AGPS: variants seen among roughly 807,000 people sequenced by gnomAD.
AGPS encodes alkyldihydroxyacetonephosphate synthase, peroxisomal.
AGPS carries 26 observed loss-of-function variants against 90.7 expected under a neutral mutation model. The ratio of observed to expected loss-of-function variants is 0.29; its 90% CI spans 0.21 to 0.40. AGPS has a LOEUF of 0.40. Ranked by LOEUF, AGPS falls within the 10% of genes least tolerant of loss-of-function variation. AGPS has a pLI of 1.00. For synonymous variants in AGPS, 294 were observed against 285.3 expected (o/e 1.03, Z -0.31); for missense variants, 540 against 816.1 (o/e 0.66, Z 4.12).
chr2:177,435,111 A>G (rs1005009824), intron 3 of AGPS, among the ~76,000 whole-genome samples: 38 of 142,574 alleles, frequency 2.7e-4, no homozygotes, highest in African/African-American at 9.6e-4. Context: ...ATTATTTTTG[A>G]TGTGTTTTTA....
chr2:177,529,002 C>G (rs1166434875), intron 19 of AGPS, among the ~76,000 whole-genome samples: 1 of 151,554 alleles, frequency 6.6e-6, no homozygotes, highest in Non-Finnish European at 1.5e-5. Flanking sequence ...ATTACAGGCT[C>G]CCGCCACCAC....
At chr2:177,441,071 A>T in intron 6 of AGPS, 35 bp downstream of exon 6, 2 of 1,474,794 alleles carry the variant, frequency 1.4e-6, no homozygotes, top group Non-Finnish European at 1.9e-6. Flanking sequence ...TAATATGTAA[A>T]TTTGTTCTAT....
intron 1 of AGPS, among the ~76,000 whole-genome samples, chr2:177,397,929 G>A (rs1291695362): frequency 6.6e-6 from 1 of 152,208 alleles, no homozygotes; most frequent in African/African-American, 2.4e-5. Context: ...TACTGGGGAG[G>A]CTGAGGCGGG....
intron 1 of AGPS, among the ~76,000 whole-genome samples, chr2:177,408,108 C>T (rs1275709937): frequency 6.6e-6 from 1 of 152,148 alleles, no homozygotes; most frequent in African/African-American, 2.4e-5. Flanking sequence ...GTAAATGTCA[C>T]CTTATGCATT....
At position 177,487,316 on chromosome 2, in the gene AGPS, C is replaced by A. The variant is rs554954965; in HGVS notation, c.1233+5130C>A. 6.0e-4 allele frequency among the ~76,000 whole-genome samples: 91 copies of A among 152,240 alleles called. No homozygotes were observed. The Middle Eastern group carries it at 0.01, about 17-fold the overall frequency. On this transcript the variant is annotated intron_variant, in intron 11 of 19. Coordinates refer to ENST00000264167, the MANE Select transcript of AGPS (RefSeq NM_003659.4). ...ATTAGTACTCATTCCTCTCAAAACT[C>A]TTCTCAGTAAAACCTAGTTTCTTCG...
At chr2:177,530,038 T>G (rs1355177998) in intron 19 of AGPS, among the ~76,000 whole-genome samples, 1 of 152,232 alleles carries the variant, frequency 6.6e-6, no homozygotes, top group East Asian at 1.9e-4. Context: ...TTGTTTTTAA[T>G]AATAGCAATA....
intron 5 of AGPS, among the ~76,000 whole-genome samples, chr2:177,438,702 C>G (rs977404955): frequency 7.2e-5 from 11 of 152,146 alleles, no homozygotes; most frequent in African/African-American, 2.7e-4. Context: ...ATCCTTTTGC[C>G]AACTTCTTCC....
At chr2:177,398,768 G>A (rs184240108) in intron 1 of AGPS, among the ~76,000 whole-genome samples, 1 of 152,242 alleles carries the variant, frequency 6.6e-6, no homozygotes, top group East Asian at 1.9e-4. Flanking sequence ...TGTAATGGGT[G>A]GTTTAAAAAG....
intron 18 of AGPS, among the ~76,000 whole-genome samples, chr2:177,522,397 A>G (rs958721726): frequency 1.3e-5 from 2 of 152,156 alleles, no homozygotes; most frequent in Non-Finnish European, 2.9e-5. Flanking sequence ...GTTAGAGGAT[A>G]TAAATTCTTA....
chr2:177,405,860 C>T (rs887049690), intron 1 of AGPS, among the ~76,000 whole-genome samples: 4 of 151,798 alleles, frequency 2.6e-5, no homozygotes, highest in African/African-American at 7.3e-5. Context: ...AAGTTATTAT[C>T]TCTAACTCTC....
chr2:177,396,308 T>C (rs73979737), intron 1 of AGPS, among the ~76,000 whole-genome samples: 4,013 of 152,266 alleles, frequency 0.026, 180 homozygotes, highest in African/African-American at 0.091. Context: ...GCTTGTGGGT[T>C]ATCAGTCCAT....
intron 2 of AGPS, among the ~76,000 whole-genome samples, chr2:177,427,878 A>G (rs1686126689): frequency 6.6e-6 from 1 of 151,980 alleles, no homozygotes. Context: ...GGTTTTGAAT[A>G]TCTTTTAATT....
chr2:177,446,353 C>T (rs371727951), intron 8 of AGPS, among the ~76,000 whole-genome samples: 28 of 151,940 alleles, frequency 1.8e-4, no homozygotes, highest in Admixed American at 5.9e-4. Context: ...GGCGTTTCAC[C>T]GTGGTCTCGG....
chr2:177,509,010 C>G (rs1688788510), intron 16 of AGPS, among the ~76,000 whole-genome samples: 1 of 152,016 alleles, frequency 6.6e-6, no homozygotes, highest in Non-Finnish European at 1.5e-5. Flanking sequence ...TTATAAAGTA[C>G]TTTAAATCTA....
chr2:177,398,589 C>T (rs1201525310), intron 1 of AGPS, among the ~76,000 whole-genome samples: 1 of 152,192 alleles, frequency 6.6e-6, no homozygotes, highest in Non-Finnish European at 1.5e-5. Flanking sequence ...GAGATATCTA[C>T]TTACTATTCA....
intron 19 of AGPS, among the ~76,000 whole-genome samples, chr2:177,533,695 GCAAA>G (rs2079159206): frequency 2.0e-5 from 3 of 152,134 alleles, no homozygotes. Flanking sequence ...CATGTGATTA[GCAAA>G]CAGTTAATCC....
intron 3 of AGPS, among the ~76,000 whole-genome samples, chr2:177,435,158 C>T (rs999628894): frequency 2.0e-5 from 3 of 151,436 alleles, no homozygotes; most frequent in African/African-American, 7.3e-5. Flanking sequence ...CTGTATGTCT[C>T]TCTAACTGGA....
At chr2:177,397,978 G>A (rs1685233054) in intron 1 of AGPS, among the ~76,000 whole-genome samples, 1 of 152,190 alleles carries the variant, frequency 6.6e-6, no homozygotes, top group African/African-American at 2.4e-5. Flanking sequence ...GTTGCAGTGA[G>A]CTGAGATTGC....
chr2:177,431,678 C>T (rs1485917462), intron 2 of AGPS, among the ~76,000 whole-genome samples: 6 of 152,174 alleles, frequency 3.9e-5, no homozygotes, highest in Non-Finnish European at 7.3e-5. Flanking sequence ...CCTGCTTTCA[C>T]GTCCTTTTAT....
Sources: allele counts gnomAD v4.1 joint callset (sites outside exome capture counted in the v4.1 genomes callset), GRCh38; gene constraint gnomAD v4.1.1; transcripts MANE v1.5; gene names NCBI Gene and HGNC (gene_info 2026-07-23, HGNC 2026-07-21).